HECW1: variants seen among roughly 807,000 people sequenced by gnomAD.
The protein encoded by HECW1 is E3 ubiquitin-protein ligase HECW1.
HECW1 carries 61 observed loss-of-function variants against 182.3 expected under a neutral mutation model. The observed-to-expected ratio is 0.33, with a 90% CI of 0.27 to 0.41. The LOEUF (loss-of-function observed/expected upper bound fraction) is 0.41, where lower values mean the gene tolerates loss of function less well. HECW1 is among the 10% of genes least tolerant of loss of function. HECW1 has a pLI of 1.00. For synonymous variants in HECW1, 859 were observed against 832.6 expected (o/e 1.03, Z -0.55); for missense variants, 1,739 against 2,108.9 (o/e 0.82, Z 3.44).
At chr7:43,247,556 T>C (rs1799498123) in intron 3 of HECW1, among the ~76,000 whole-genome samples, 1 of 152,034 alleles carries the variant, frequency 6.6e-6, no homozygotes, top group African/African-American at 2.4e-5. Flanking sequence ...CAGAATTGCT[T>C]GAGCCCAGGA....
rs759747589 is a variant in HECW1, at chr7:43,126,347, A to G, written c.-32+11956A>G. Reference sequence around the variant, plus strand: ...TTTTAAAATATAACACATATATATCATTGTCTAAAGCAAGGGTCTGCAAGC... The same window carrying G: ...TTTTAAAATATAACACATATATATCGTTGTCTAAAGCAAGGGTCTGCAAGC... On this transcript the variant is annotated intron_variant, in intron 2 of 29. Coordinates refer to ENST00000395891, the MANE Select transcript of HECW1 (RefSeq NM_015052.5). Among the ~76,000 whole-genome samples the G allele has an allele frequency of 2.8e-4, 43 of 152,230 alleles. 1 individual carries two copies. Among genetic ancestry groups the G allele is most frequent in the Non-Finnish European group, 2.9e-5 (2 of 68,010 alleles).
chr7:43,273,089 T>C (rs1350300519), intron 3 of HECW1, among the ~76,000 whole-genome samples: 1 of 152,148 alleles, frequency 6.6e-6, no homozygotes, highest in Admixed American at 6.5e-5. Context: ...AAATACTACA[T>C]GTTCTTACCT....
intron 2 of HECW1, among the ~76,000 whole-genome samples, chr7:43,157,276 A>G (rs1034575150): frequency 6.6e-6 from 1 of 152,336 alleles, no homozygotes; most frequent in African/African-American, 2.4e-5. Context: ...ATAGTTGAAA[A>G]TGAATTCTTT....
At chr7:43,405,570 G>T (rs912623885) in intron 7 of HECW1, among the ~76,000 whole-genome samples, 2 of 152,102 alleles carry the variant, frequency 1.3e-5, no homozygotes, top group Admixed American at 6.5e-5. Flanking sequence ...CTTGAGACTG[G>T]GTTTCTACTA....
rs957662699 is a variant in HECW1, at chr7:43,542,015, G to T, written c.4248+17G>T. The T allele has an allele frequency of 6.8e-7, 1 of 1,473,422 alleles. No individual in the cohort carries two copies. Among genetic ancestry groups the T allele is most frequent in the Admixed American group, 2.5e-5 (1 of 39,310 alleles). The allele number at this position is 1,473,422 out of a possible 1,614,324, so 91.3% of individuals were successfully genotyped here. On this transcript the variant is annotated intron_variant, in intron 26 of 29. Transcript: ENST00000395891. ...TTTGGACAGGTTTGTGTGACATGGG[G>T]TTTGGAAAAGGGATTTTGTTTTTTA...
At chr7:43,410,246 C>T (rs534248864) in intron 8 of HECW1, among the ~76,000 whole-genome samples, 4 of 152,276 alleles carry the variant, frequency 2.6e-5, no homozygotes, top group Admixed American at 2.0e-4. Flanking sequence ...CTGGGAAGTC[C>T]GAGCCCAGGA....
At chr7:43,401,037 G>T (rs2075387462) in intron 7 of HECW1, among the ~76,000 whole-genome samples, 1 of 152,058 alleles carries the variant, frequency 6.6e-6, no homozygotes, top group Non-Finnish European at 1.5e-5. Flanking sequence ...GCACTCACCT[G>T]GACAGTCCAG....
chr7:43,198,773 A>T (rs549609156), intron 2 of HECW1, among the ~76,000 whole-genome samples: 3 of 122,766 alleles, frequency 2.4e-5, no homozygotes, highest in Admixed American at 7.5e-5. Flanking sequence ...ACACTCTCTC[A>T]CACACACTCC....
intron 11 of HECW1, among the ~76,000 whole-genome samples, chr7:43,450,501 G>T (rs2077195993): frequency 6.6e-6 from 1 of 152,054 alleles, no homozygotes; most frequent in African/African-American, 2.4e-5. Flanking sequence ...CTAAAATCAG[G>T]CTCTGCTAAT....
intron 24 of HECW1, among the ~76,000 whole-genome samples, chr7:43,523,520 G>T (rs2080613084): frequency 6.6e-6 from 1 of 152,136 alleles, no homozygotes; most frequent in Non-Finnish European, 1.5e-5. Context: ...GAAGACATTA[G>T]CTTTGAAAGA....
At chr7:43,139,414 G>A (rs1399112733) in intron 2 of HECW1, among the ~76,000 whole-genome samples, 1 of 152,220 alleles carries the variant, frequency 6.6e-6, no homozygotes, top group South Asian at 2.1e-4. Context: ...TAGAGGATGA[G>A]TCAAAGACGC....
intron 2 of HECW1, among the ~76,000 whole-genome samples, chr7:43,208,524 G>T (rs900580958): frequency 1.3e-5 from 2 of 152,226 alleles, no homozygotes; most frequent in Non-Finnish European, 2.9e-5. Flanking sequence ...CAGGGTCTGG[G>T]CCTGGCAGTA....
intron 6 of HECW1, among the ~76,000 whole-genome samples, chr7:43,389,926 C>A (rs1343934660): frequency 6.6e-6 from 1 of 152,190 alleles, no homozygotes. Flanking sequence ...AGCCACCCAC[C>A]TGGCCCCCTC....
chr7:43,539,659 C>T (rs1271772492), intron 24 of HECW1, among the ~76,000 whole-genome samples: 1 of 30,884 alleles, frequency 3.2e-5, no homozygotes, highest in Non-Finnish European at 5.9e-5. Context: ...TCAGGGGCCA[C>T]CTCTAAGTGC....
At chr7:43,232,296 G>T (rs1237241471) in intron 2 of HECW1, among the ~76,000 whole-genome samples, 4 of 152,208 alleles carry the variant, frequency 2.6e-5, no homozygotes, top group African/African-American at 9.7e-5. Flanking sequence ...CTCCTTCAAA[G>T]TAGGTCAATT....
chr7:43,525,255 T>C (rs145043763), intron 24 of HECW1, among the ~76,000 whole-genome samples: 26 of 152,296 alleles, frequency 1.7e-4, no homozygotes, highest in Admixed American at 3.9e-4. Context: ...ATTAACAAAA[T>C]TGGAACTATT....
intron 8 of HECW1, among the ~76,000 whole-genome samples, chr7:43,426,184 T>C (rs958747497): frequency 2.0e-5 from 3 of 152,278 alleles, no homozygotes; most frequent in Non-Finnish European, 4.4e-5. Flanking sequence ...AAATCTGAGG[T>C]CACAGAACAT....
At chr7:43,401,089 G>T (rs749862694) in intron 7 of HECW1, among the ~76,000 whole-genome samples, 19 of 152,202 alleles carry the variant, frequency 1.2e-4, no homozygotes, top group Non-Finnish European at 2.6e-4. Flanking sequence ...TAATCACTCT[G>T]CAGAGTCCCT....
At chr7:43,221,346 T>C (rs895361703) in intron 2 of HECW1, among the ~76,000 whole-genome samples, 1 of 152,014 alleles carries the variant, frequency 6.6e-6, no homozygotes, top group Non-Finnish European at 1.5e-5. Context: ...TATTTTGATC[T>C]CTTTAGGCCA....
Sources: gnomAD v4.1 joint callset for allele counts (sites outside exome capture counted in the v4.1 genomes callset) on GRCh38, gnomAD v4.1.1 for gene constraint, MANE v1.5 for transcripts, NCBI Gene and HGNC (gene_info 2026-07-23, HGNC 2026-07-21) for gene names.